The following NALCN variants were observed in gnomAD, a reference collection of about 807,000 sequenced individuals.
NALCN encodes sodium leak channel, non-selective.
NALCN carries 111 observed loss-of-function variants against 225.3 expected under a neutral mutation model. The ratio of observed to expected loss-of-function variants is 0.49; its 90% CI spans 0.42 to 0.58. The LOEUF (loss-of-function observed/expected upper bound fraction) is 0.58. Among genes scored for constraint, NALCN ranks in the 20% least tolerant of loss-of-function variants. NALCN has a pLI of 0.00. For synonymous variants in NALCN, 764 were observed against 769.0 expected, an observed-to-expected ratio of 0.99 and a Z score of 0.11; for missense variants, 1,378 against 2,202.4, an observed-to-expected ratio of 0.63 and a Z score of 7.49.
intron 42 of NALCN, chr13:101,058,547 T>G (rs567968552): frequency 6.4e-6 from 1 of 156,488 alleles, no homozygotes; most frequent in South Asian, 1.9e-4. Context: ...TAAGCTACAG[T>G]GAAAGAAAGA....
chr13:101,399,317 A>G (rs1249127477), intron 1 of NALCN, among the ~76,000 whole-genome samples, 152 bp from the exon 2 acceptor site: 1 of 152,232 alleles, frequency 6.6e-6, no homozygotes, highest in African/African-American at 2.4e-5. Context: ...CTTTAAAAGG[A>G]TGAGATAAAT....
chr13:101,376,853 T>G, intron 5 of NALCN, 25 bp from the exon 6 acceptor site: 1 of 1,612,636 alleles, frequency 6.2e-7, no homozygotes, highest in African/African-American at 1.3e-5. Context: ...GTAGGTAAAG[T>G]ACATAAAACT....
At chr13:101,325,541 A>G (rs1412060952) in intron 7 of NALCN, among the ~76,000 whole-genome samples, 3 of 152,178 alleles carry the variant, frequency 2.0e-5, no homozygotes, top group Non-Finnish European at 4.4e-5. Context: ...TCCCATTTTC[A>G]GGGGGCAAAG....
At chr13:101,096,370 A>G (rs1403353062) in intron 27 of NALCN, among the ~76,000 whole-genome samples, 2 of 152,266 alleles carry the variant, frequency 1.3e-5, no homozygotes, top group East Asian at 3.8e-4. Context: ...CCAACCATAC[A>G]AGTGAATATT....
At chr13:101,058,114 T>TA in intron 42 of NALCN, 58 bp from the exon 43 acceptor site, 1 of 1,452,114 alleles carries the variant, frequency 6.9e-7, no homozygotes, top group Non-Finnish European at 9.4e-7. Flanking sequence ...TCTCCTCCTT[T>TA]TACTATAAGA....
At chr13:101,188,155 C>G (rs984251434) in intron 14 of NALCN, among the ~76,000 whole-genome samples, 3 of 152,118 alleles carry the variant, frequency 2.0e-5, no homozygotes, top group Non-Finnish European at 4.4e-5. Flanking sequence ...AGAAAGGGAA[C>G]TGATAAACAA....
chr13:101,306,763 A>G (rs2044165755), intron 7 of NALCN, among the ~76,000 whole-genome samples: 1 of 152,238 alleles, frequency 6.6e-6, no homozygotes. Flanking sequence ...TGATACAGAA[A>G]GCGAGTTAAG....
chr13:101,345,405 A>G lies in NALCN; in HGVS notation c.660T>C (p.Asn220=). The change falls in exon 7 of 44, where the codon AAT becomes AAC. Residue 220 remains asparagine, a synonymous_variant. Coordinates refer to ENST00000251127, the MANE Select transcript of NALCN (RefSeq NM_052867.4). ...AGTGTGTGTCTGGAATAGCTAAACTATTCCAGGTTACATTCCTGTGAACAA... is the reference window on the plus strand; with the variant it reads ...AGTGTGTGTCTGGAATAGCTAAACTGTTCCAGGTTACATTCCTGTGAACAA... ...NDTKPGNVTW[N]SLAIPDTHCS... The G allele has an allele frequency of 6.2e-7, 1 of 1,613,234 alleles. No homozygotes were observed. The highest frequency in any genetic ancestry group is 8.5e-7 in the Non-Finnish European group (1 of 1,179,562).
intron 11 of NALCN, among the ~76,000 whole-genome samples, chr13:101,256,262 T>C (rs2042225290): frequency 6.6e-6 from 1 of 152,148 alleles, no homozygotes; most frequent in South Asian, 2.1e-4. Flanking sequence ...GTGGTACCCG[T>C]CCTTTAACCA....
intron 15 of NALCN, among the ~76,000 whole-genome samples, chr13:101,150,180 G>T (rs9513859): frequency 0.76 from 115,723 of 151,604 alleles, 44,488 homozygotes; most frequent in East Asian, 1. Context: ...TCCACGTGGA[G>T]GAAGTTAAAC....
At chr13:101,116,729 C>T (rs1594240002) in intron 18 of NALCN, 10 of 368,466 alleles carry the variant, frequency 2.7e-5, no homozygotes, top group Middle Eastern at 4.1e-4. Context: ...CAGAGCATTA[C>T]ATTTGAGGGA....
chr13:101,376,683 T>C lies in NALCN; in HGVS notation c.644+17A>G, dbSNP rs753686740. On this transcript the variant is annotated intron_variant, in intron 6 of 43. Coordinates refer to ENST00000251127, the MANE Select transcript of NALCN (RefSeq NM_052867.4). ...GTTAATCAACTAGATTAAAATGCAG[T>C]TAATAGATAAACTTACCCTGGCTTT... is the stretch of plus-strand genomic sequence containing the variant. The C allele has an allele frequency of 3.8e-6, 6 of 1,584,148 alleles. No individual in the cohort carries two copies. The East Asian group carries it at 6.7e-5, about 18-fold the overall frequency.
chr13:101,379,793 C>T (rs182568269), intron 3 of NALCN, among the ~76,000 whole-genome samples: 1 of 152,192 alleles, frequency 6.6e-6, no homozygotes, highest in African/African-American at 2.4e-5. Context: ...AGCAAACCAC[C>T]ATGGCACGTG....
intron 3 of NALCN, among the ~76,000 whole-genome samples, chr13:101,379,577 A>G (rs1419099589): frequency 6.7e-6 from 1 of 150,006 alleles, no homozygotes; most frequent in East Asian, 1.9e-4. Flanking sequence ...GACATGGATG[A>G]AGCTGGAAAC....
chr13:101,369,316 G>A (rs1200260797), intron 6 of NALCN, among the ~76,000 whole-genome samples: 18 of 152,026 alleles, frequency 1.2e-4, no homozygotes, highest in Admixed American at 8.5e-4. Context: ...TTTTCATGGT[G>A]AACTTCATTT....
chr13:101,398,781 G>A (rs1279227468), intron 2 of NALCN, among the ~76,000 whole-genome samples: 2 of 152,072 alleles, frequency 1.3e-5, no homozygotes, highest in East Asian at 3.9e-4. Context: ...CTGAGGACAG[G>A]GTGCACAGCG....
chr13:101,347,924 A>G (rs1301244127), intron 6 of NALCN, among the ~76,000 whole-genome samples: 1 of 151,902 alleles, frequency 6.6e-6, no homozygotes, highest in African/African-American at 2.4e-5. Context: ...CCCAGCATGT[A>G]AAAACAGAAC....
At chr13:101,369,408 T>C (rs2046475549) in intron 6 of NALCN, among the ~76,000 whole-genome samples, 1 of 152,156 alleles carries the variant, frequency 6.6e-6, no homozygotes, top group Non-Finnish European at 1.5e-5. Flanking sequence ...ATTCTTTTCT[T>C]GGTACCAAAT....
At chr13:101,360,081 TTCTC>T (rs991192159) in intron 6 of NALCN, among the ~76,000 whole-genome samples, 2 of 149,124 alleles carry the variant, frequency 1.3e-5, no homozygotes, top group African/African-American at 2.5e-5. Context: ...CTTTCTTTCT[TTCTC>T]TTTCTTTCTT....
Sources: gnomAD v4.1 joint callset for allele counts (sites outside exome capture counted in the v4.1 genomes callset) on GRCh38, gnomAD v4.1.1 for gene constraint, MANE v1.5 for transcripts, NCBI Gene and HGNC (gene_info 2026-07-23, HGNC 2026-07-21) for gene names.